Variants in EXOC3L4 observed in about 807,000 individuals in gnomAD.
EXOC3L4 encodes the protein exocyst complex component 3-like protein 4.
EXOC3L4 carries 62 observed loss-of-function variants against 69.7 expected under a neutral mutation model. That is an observed-to-expected ratio of 0.89 (90% CI 0.72 to 1.10). The LOEUF is 1.10. EXOC3L4 is among the 50% of genes least tolerant of loss of function. EXOC3L4 has a pLI of 0.00. For missense variants in EXOC3L4, 1,087 were observed against 1,034.8 expected (o/e 1.05, Z -0.69); for synonymous variants, 502 against 464.2 (o/e 1.08, Z -1.05).
At chr14:103,104,880 C>A in intron 6 of EXOC3L4, 42 bp downstream of exon 6, 1 of 1,531,020 alleles carries the variant, frequency 6.5e-7, no homozygotes, top group African/African-American at 1.4e-5. Flanking sequence ...TGGCCGGGTG[C>A]GCTCTGCAGG....
chr14:103,103,797 CGTGTGT>C (rs56147384), intron 3 of EXOC3L4, 138 bp from the exon 4 acceptor site: 153 of 433,318 alleles, frequency 3.5e-4, no homozygotes, highest in Middle Eastern at 9.2e-4. Flanking sequence ...GGCGCGCGCG[CGTGTGT>C]GTGTGTGTGT....
In EXOC3L4 at chr14:103,102,414, G is replaced by A. The variant is rs775808393; in HGVS notation, c.691G>A (p.Asp231Asn). ...EEEAHPSPPD[D>N]GDFLRTPRRW... The stretch of plus-strand genomic sequence containing the variant: ...GGAAGCCCACCCTTCTCCCCCCGAC[G>A]ACGGCGACTTCCTGCGCACGCCGCG... The change falls in exon 3 of 12, where the codon GAC becomes AAC. Residue 231 changes from aspartate (D) to asparagine (N), a missense_variant. Transcript: ENST00000688303. 40 of 1,532,696 alleles carry A rather than the reference G, an allele frequency of 2.6e-5. No individual in the cohort carries two copies. The highest frequency in any genetic ancestry group is 1.5e-4 in the East Asian group (6 of 39,342). The allele number at this position is 1,532,696 out of a possible 1,614,324, so 94.9% of individuals were successfully genotyped here. A position where few individuals can be genotyped will look rare whatever the true frequency, so the allele number is the denominator to read the frequency against.
intron 10 of EXOC3L4, 113 bp from the exon 11 acceptor site, chr14:103,108,283 A>AGGAGGGCTGACGCTGCG: frequency 6.8e-7 from 1 of 1,471,940 alleles, no homozygotes; most frequent in Non-Finnish European, 9.2e-7. Flanking sequence ...GAGTGACTAC[A>AGGAGGGCTGACGCTGCG]GGAGGGCTGA....
Position 103,104,322 on chromosome 14 carries a change from C to T in EXOC3L4, c.1217C>T (p.Ala406Val). Residue 406 changes from alanine to valine, a missense_variant, in exon 5 of 12, where the codon GCG becomes GTG. By Grantham distance (64) the Ala-to-Val change is moderately conservative. Transcript: ENST00000688303. ...TTGCAGCTGGAGCAGAGTCACTGGG[C>T]GGCCGCCGAGGTCCCCGAGGTGCTG... Reference protein sequence around the residue: ...SILQLEQSHWAAAEVPEVLQG... With the variant: ...SILQLEQSHWVAAEVPEVLQG... The T allele has an allele frequency of 1.9e-6, 3 of 1,592,700 alleles. No individual in the cohort carries two copies. Among genetic ancestry groups the T allele is most frequent in the South Asian group, 1.1e-5 (1 of 87,662 alleles).
intron 3 of EXOC3L4, among the ~76,000 whole-genome samples, chr14:103,103,333 C>G (rs1165387185): frequency 7.9e-6 from 1 of 126,530 alleles, no homozygotes; most frequent in Admixed American, 1.0e-4. Flanking sequence ...CCAGCATGGG[C>G]GACAGAGCAA....
At chr14:103,098,726 G>A (rs916193829) in intron 1 of EXOC3L4, 1 of 152,358 alleles carries the variant, frequency 6.6e-6, no homozygotes, top group Non-Finnish European at 1.5e-5. Context: ...GAAGCGAGTG[G>A]AGGCTGGGAC....
At chr14:103,106,943 G>C (rs760766167) in intron 8 of EXOC3L4, 44 bp downstream of exon 8, 6 of 1,447,320 alleles carry the variant, frequency 4.1e-6, no homozygotes, top group Non-Finnish European at 4.7e-6. Context: ...ATGCCCAGCA[G>C]GCACCCCCTA....
chr14:103,103,370 A>G (rs980021369), intron 3 of EXOC3L4, among the ~76,000 whole-genome samples: 5 of 148,700 alleles, frequency 3.4e-5, no homozygotes, highest in Admixed American at 2.7e-4. Context: ...AAAAAAAAAA[A>G]AGAAAGAAAG....
At chr14:103,099,949 G>A (rs1349495668) in intron 1 of EXOC3L4, among the ~76,000 whole-genome samples, 1 of 152,184 alleles carries the variant, frequency 6.6e-6, no homozygotes, top group African/African-American at 2.4e-5. Flanking sequence ...GGGCACCTGC[G>A]GAGACCCTTT....
chr14:103,108,130 T>C (rs116537676), intron 10 of EXOC3L4, among the ~76,000 whole-genome samples: 1,821 of 152,224 alleles, frequency 0.012, 37 homozygotes, highest in African/African-American at 0.042. Flanking sequence ...CCCCTAGCAG[T>C]GCTTTCAGGC....
intron 7 of EXOC3L4, among the ~76,000 whole-genome samples, chr14:103,106,190 G>A (rs1890538296): frequency 6.6e-6 from 1 of 152,266 alleles, no homozygotes; most frequent in African/African-American, 2.4e-5. Flanking sequence ...GGAAGTGGTG[G>A]AGCTGGGACT....
rs1889947409 is a variant in EXOC3L4 at position 103,097,490 on chromosome 14, A to G, written c.-17+2650A>G. Among the ~76,000 whole-genome samples the G allele has an allele frequency of 1.3e-5, 2 of 152,048 alleles. No individual in the cohort carries two copies. Among genetic ancestry groups the G allele is most frequent in the Admixed American group, 1.3e-4 (2 of 15,268 alleles). On this transcript the variant is annotated intron_variant, in intron 1 of 11. Transcript: ENST00000688303. This position sits in a 1 kb window ranked among gnomAD's most constrained non-coding sequence, Gnocchi z 4.9. Reference sequence around the variant, plus strand: ...TTGGGAGGTGGAGGGGGGAGTTGAGAGGGGCCTTCAGGTCTCAGCCCCGCA... The same window carrying G: ...TTGGGAGGTGGAGGGGGGAGTTGAGGGGGGCCTTCAGGTCTCAGCCCCGCA...
intron 7 of EXOC3L4, among the ~76,000 whole-genome samples, chr14:103,105,731 A>G (rs544876549): frequency 4.1e-4 from 63 of 152,306 alleles, no homozygotes; most frequent in African/African-American, 1.5e-3. Flanking sequence ...GGCTGGCAGT[A>G]GCTGTTGGCC....
At chr14:103,108,085 G>A (rs1890674497) in intron 10 of EXOC3L4, among the ~76,000 whole-genome samples, 1 of 152,202 alleles carries the variant, frequency 6.6e-6, no homozygotes, top group Admixed American at 6.5e-5. Context: ...CCCTCAGAGT[G>A]GAGGCACCAG....
rs1183126507 is a variant in EXOC3L4 at position 103,097,209 on chromosome 14, G to A, written c.-17+2369G>A. The stretch of plus-strand genomic sequence containing the variant: ...CCCAGGGTGGGAGCTCTCAGTGACT[G>A]TGTCTCTGGGTGGTTTCTTGCCCCT... On this transcript the variant is annotated intron_variant, in intron 1 of 11. Transcript: ENST00000688303. This position sits in a 1 kb window ranked among gnomAD's most constrained non-coding sequence, Gnocchi z 4.9. 6.6e-6 allele frequency among the ~76,000 whole-genome samples: 1 copy of A among 152,128 alleles called. No homozygotes were observed. The highest frequency in any genetic ancestry group is 1.5e-5 in the Non-Finnish European group (1 of 67,994).
In EXOC3L4 at chr14:103,108,463, A is replaced by G. The variant is rs1374993136; in HGVS notation, c.1922A>G (p.Lys641Arg). The stretch of plus-strand genomic sequence containing the variant: ...GCTGAGATCCTGGGCGAGACCTACA[A>G]AGATGACATCCAGCGGCACCTGGAG... The part of the protein sequence containing the change: ...CVAEILGETY[K>R]DDIQRHLETL... Residue 641 changes from lysine (K) to arginine (R), a missense_variant, in exon 11 of 12, where the codon AAA becomes AGA. By Grantham distance (26) the Lys-to-Arg change is conservative (BLOSUM62 2). Transcript: ENST00000688303. 6.2e-7 allele frequency: 1 copy of G among 1,613,400 alleles called. No individual in the cohort carries two copies. Among genetic ancestry groups the G allele is most frequent in the East Asian group, 2.2e-5 (1 of 44,850 alleles).
chr14:103,098,069 G>C (rs1889978344), intron 1 of EXOC3L4, among the ~76,000 whole-genome samples: 1 of 152,120 alleles, frequency 6.6e-6, no homozygotes, highest in Non-Finnish European at 1.5e-5. Flanking sequence ...GGTCGAAGGT[G>C]GCATGGCTGG....
rs982340008 is a variant in EXOC3L4, at chr14:103,102,125, A to G, written c.402A>G (p.Lys134=). Residue 134 remains lysine, a synonymous_variant, in exon 3 of 12, where the codon AAA becomes AAG. Transcript: ENST00000688303. ...TCTCGCCCGCCTGTGCAGAAGGCAA[A>G]TCCGTGGCCGACCTCATTACTGAAC... ...SEELKPEAEG[K]SVADLITERQ... 4.4e-6 allele frequency: 7 copies of G among 1,603,344 alleles called. No individual in the cohort carries two copies. The African/African-American group carries it at 8.0e-5, about 18-fold the overall frequency.
rs781292802 is a variant in EXOC3L4 at position 103,100,473 on chromosome 14, G to T, written c.254G>T (p.Arg85Leu). ...CGGCGAAGCTCCTGCTCCCTGTTCC[G>T]GTCCTTCCGGCAAGCCCTGAATGAC... ...LFRRSSCSLF[R>L]SFRQALNDGP... Residue 85 changes from arginine (R) to leucine (L), a missense_variant, in exon 2 of 12, where the codon CGG (arginine) becomes CTG (leucine). By Grantham distance (102) the Arg-to-Leu change is moderately radical. Coordinates refer to ENST00000688303, the MANE Select transcript of EXOC3L4 (RefSeq NM_001077594.2). 1 of 1,613,194 alleles carries T rather than the reference G, an allele frequency of 6.2e-7. No individual in the cohort carries two copies. The highest frequency in any genetic ancestry group is 1.3e-5 in the African/African-American group (1 of 74,914).
Sources: gnomAD v4.1 joint callset for allele counts (sites outside exome capture counted in the v4.1 genomes callset) on GRCh38, gnomAD v4.1.1 for gene constraint, Gnocchi (gnomAD v3.1) non-coding constraint, MANE v1.5 for transcripts, NCBI Gene and HGNC (gene_info 2026-07-23, HGNC 2026-07-21) for gene names.